The following PCDH9 variants were observed in gnomAD, a reference collection of about 807,000 sequenced individuals.
PCDH9 encodes protocadherin-9.
In PCDH9, 24 loss-of-function variants were observed where a neutral mutation model predicts 70.6. That is an observed-to-expected ratio of 0.34 (90% CI 0.25 to 0.48). The LOEUF (loss-of-function observed/expected upper bound fraction) is 0.48, where lower values mean the gene tolerates loss of function less well. Ranked by LOEUF, PCDH9 falls within the 20% of genes least tolerant of loss-of-function variation. The probability of loss-of-function intolerance (pLI) is 0.99; values close to 1 mark genes in which losing one functional copy is unlikely to be tolerated. For synonymous variants in PCDH9, 562 were observed against 558.5 expected, an observed-to-expected ratio of 1.01 and a Z score of -0.09; for missense variants, 1,281 against 1,503.6, an observed-to-expected ratio of 0.85 and a Z score of 2.45.
intron 4 of PCDH9, among the ~76,000 whole-genome samples, chr13:66,378,176 C>T (rs1280933742): frequency 6.6e-6 from 1 of 152,128 alleles, no homozygotes; most frequent in African/African-American, 2.4e-5. Flanking sequence ...GAAGTGCAAT[C>T]TGTGTGTTCA....
intron 2 of PCDH9, among the ~76,000 whole-genome samples, chr13:66,904,168 A>C (rs144201671): frequency 1.3e-5 from 2 of 152,156 alleles, no homozygotes; most frequent in Admixed American, 1.3e-4. Context: ...GTGTCTTAAA[A>C]TACTAGTTGA....
intron 4 of PCDH9, among the ~76,000 whole-genome samples, chr13:66,395,681 A>G (rs1957090963): frequency 6.6e-6 from 1 of 152,160 alleles, no homozygotes; most frequent in African/African-American, 2.4e-5. Context: ...GAAGTCATAT[A>G]TTAAGAACAA....
At chr13:67,191,033 T>C (rs1395578211) in intron 2 of PCDH9, among the ~76,000 whole-genome samples, 1 of 152,106 alleles carries the variant, frequency 6.6e-6, no homozygotes, top group African/African-American at 2.4e-5. Flanking sequence ...ATATGTGATC[T>C]ACTAAGACTG....
intron 2 of PCDH9, among the ~76,000 whole-genome samples, chr13:67,007,309 A>G (rs2139833579): frequency 6.6e-6 from 1 of 152,278 alleles, no homozygotes; most frequent in Non-Finnish European, 1.5e-5. Context: ...AAAAGATAAA[A>G]TTTTGAGTAA....
intron 4 of PCDH9, among the ~76,000 whole-genome samples, chr13:66,318,440 C>T (rs1397543933): frequency 1.3e-5 from 2 of 152,096 alleles, no homozygotes; most frequent in Non-Finnish European, 2.9e-5. Context: ...AAACCATTGT[C>T]ATCACACTTT....
At chr13:66,948,483 G>A (rs1248797464) in intron 2 of PCDH9, among the ~76,000 whole-genome samples, 1 of 151,760 alleles carries the variant, frequency 6.6e-6, no homozygotes, top group Non-Finnish European at 1.5e-5. Flanking sequence ...TTAGGATCCA[G>A]ATTTTCATGC....
At chr13:66,665,596 C>T (rs1406896025) in intron 3 of PCDH9, among the ~76,000 whole-genome samples, 2 of 152,096 alleles carry the variant, frequency 1.3e-5, no homozygotes, top group African/African-American at 4.8e-5. Flanking sequence ...GTTTCTGTGA[C>T]TTATTAACTT....
In PCDH9 at chr13:66,588,454, A is replaced by G. The variant is rs1429880665; in HGVS notation, c.3340+42756T>C. Reference sequence around the variant, plus strand: ...TGCCCATCGGCTTTTTACTGTTATTACTTTTTATTTTATTTTGCACTCAAA... The same window carrying G: ...TGCCCATCGGCTTTTTACTGTTATTGCTTTTTATTTTATTTTGCACTCAAA... On this transcript the variant is annotated intron_variant, in intron 4 of 4. Transcript: ENST00000377865. 2.6e-5 allele frequency among the ~76,000 whole-genome samples: 4 copies of G among 151,260 alleles called. No individual in the cohort carries two copies. In the East Asian group the frequency reaches 7.9e-4, roughly 30 times the overall value.
chr13:66,810,523 C>G (rs536077021), intron 3 of PCDH9, among the ~76,000 whole-genome samples: 8 of 151,962 alleles, frequency 5.3e-5, no homozygotes, highest in Non-Finnish European at 1.2e-4. Context: ...ATGTAAAGTA[C>G]TGGGAGCAGG....
chr13:66,440,277 C>A (rs1330124823), intron 4 of PCDH9, among the ~76,000 whole-genome samples: 3 of 152,092 alleles, frequency 2.0e-5, no homozygotes, highest in Non-Finnish European at 2.9e-5. Context: ...ACACACTTAA[C>A]TGTTTGATCC....
chr13:66,666,751 C>T (rs2078103068), intron 3 of PCDH9, among the ~76,000 whole-genome samples: 1 of 152,126 alleles, frequency 6.6e-6, no homozygotes, highest in Admixed American at 6.5e-5. Context: ...AATCAGAGAT[C>T]TTCACATTCT....
chr13:66,631,897 T>G (rs2077576964), intron 3 of PCDH9, among the ~76,000 whole-genome samples: 1 of 152,166 alleles, frequency 6.6e-6, no homozygotes, highest in African/African-American at 2.4e-5. Context: ...TTTTGTTTGT[T>G]TGTTTGTTTG....
At chr13:67,165,821 T>A (rs1240088478) in intron 2 of PCDH9, among the ~76,000 whole-genome samples, 1 of 152,200 alleles carries the variant, frequency 6.6e-6, no homozygotes, top group Non-Finnish European at 1.5e-5. Flanking sequence ...TTAAGACGCA[T>A]GGACATTTGC....
intron 4 of PCDH9, among the ~76,000 whole-genome samples, chr13:66,595,927 AATCTTC>A (rs1253533326): frequency 7.9e-5 from 12 of 151,836 alleles, no homozygotes; most frequent in Admixed American, 7.2e-4. Context: ...AATTTAGCAT[AATCTTC>A]TAGCAGAATA....
At chr13:66,842,037 G>A (rs1459050489) in intron 3 of PCDH9, among the ~76,000 whole-genome samples, 1 of 152,156 alleles carries the variant, frequency 6.6e-6, no homozygotes, top group African/African-American at 2.4e-5. Flanking sequence ...CTTAGCTTGG[G>A]AAATTAGGAG....
intron 2 of PCDH9, among the ~76,000 whole-genome samples, chr13:66,988,335 T>C (rs2083934908): frequency 6.6e-6 from 1 of 152,060 alleles, no homozygotes; most frequent in African/African-American, 2.4e-5. Flanking sequence ...CATAACAAAA[T>C]ATCACTTTTG....
intron 2 of PCDH9, among the ~76,000 whole-genome samples, chr13:67,004,283 T>C (rs992675124): frequency 6.6e-6 from 1 of 151,802 alleles, no homozygotes; most frequent in African/African-American, 2.4e-5. Context: ...AAAAAAGAAA[T>C]TTATAGGACA....
chr13:66,558,369 G>T (rs760336784), intron 4 of PCDH9, among the ~76,000 whole-genome samples: 1 of 151,972 alleles, frequency 6.6e-6, no homozygotes, highest in Non-Finnish European at 1.5e-5. Context: ...TAAAAGAAGT[G>T]AAGGGTTCTG....
At chr13:66,860,703 C>T (rs572814730) in intron 3 of PCDH9, among the ~76,000 whole-genome samples, 1 of 152,204 alleles carries the variant, frequency 6.6e-6, no homozygotes, top group Non-Finnish European at 1.5e-5. Flanking sequence ...ACCTTAGAGA[C>T]TCATGGCACT....
Sources: gnomAD v4.1 joint callset for allele counts (sites outside exome capture counted in the v4.1 genomes callset) on GRCh38, gnomAD v4.1.1 for gene constraint, MANE v1.5 for transcripts, NCBI Gene and HGNC (gene_info 2026-07-23, HGNC 2026-07-21) for gene names.